The following IFRD1 variants were observed in gnomAD, a reference collection of about 807,000 sequenced individuals.
IFRD1 encodes the protein interferon-related developmental regulator 1.
In IFRD1, 35 loss-of-function variants were observed where a neutral mutation model predicts 52.9. The ratio of observed to expected loss-of-function variants is 0.66; its 90% confidence interval spans 0.51 to 0.88. The LOEUF is 0.88. Among genes scored for constraint, IFRD1 ranks in the 40% least tolerant of loss-of-function variants. The pLI is 0.00. For missense variants in IFRD1, 517 were observed against 550.8 expected (o/e 0.94, Z 0.61); for synonymous variants, 184 against 188.4 (o/e 0.98, Z 0.19).
In IFRD1 at chr7:112,443,545, T is replaced by C. The variant is rs567397156; in HGVS notation, c.-181-6963T>C. ...GTGATGGCACCACTGTACTCCAGCC[T>C]GGATGACAGAGGGAGACCCATCTCA... is the stretch of plus-strand genomic sequence containing the variant. On this transcript the variant is annotated intron_variant, in intron 1 of 12. Transcript: ENST00000005558. Among the ~76,000 whole-genome samples the C allele has an allele frequency of 3.1e-3, 476 of 151,780 alleles. 4 individuals are homozygous for C. Among genetic ancestry groups the C allele is most frequent in the Non-Finnish European group, 5.7e-3 (385 of 67,914 alleles).
intron 8 of IFRD1, among the ~76,000 whole-genome samples, chr7:112,466,352 A>C (rs1396153365): frequency 6.6e-6 from 1 of 152,208 alleles, no homozygotes; most frequent in African/African-American, 2.4e-5. Flanking sequence ...GGTGATTCAC[A>C]AACTAAACTT....
At chr7:112,470,812 T>C (rs1795727014) in intron 9 of IFRD1, among the ~76,000 whole-genome samples, 1 of 152,242 alleles carries the variant, frequency 6.6e-6, no homozygotes. Flanking sequence ...AAATAGTTGT[T>C]ATACTTTATT....
At chr7:112,443,862 C>A (rs80044453) in intron 1 of IFRD1, among the ~76,000 whole-genome samples, 685 of 102,712 alleles carry the variant, frequency 6.7e-3, no homozygotes, top group South Asian at 8.1e-3. Flanking sequence ...AACTCTGTTT[C>A]AAAAAAAAAA....
intron 9 of IFRD1, among the ~76,000 whole-genome samples, chr7:112,471,647 G>A (rs972005610): frequency 5.3e-5 from 8 of 151,976 alleles, no homozygotes; most frequent in Non-Finnish European, 1.0e-4. Flanking sequence ...TTACACCTTC[G>A]AAATGGTCTT....
upstream of IFRD1, chr7:112,450,457 C>G: frequency 1.7e-6 from 1 of 575,502 alleles, no homozygotes; most frequent in Non-Finnish European, 3.1e-6. Context: ...CCTCCCCTGC[C>G]CCGCCTTAGC....
chr7:112,455,178 G>A (rs1360160379), intron 1 of IFRD1, among the ~76,000 whole-genome samples: 1 of 151,486 alleles, frequency 6.6e-6, no homozygotes, highest in African/African-American at 2.4e-5. Flanking sequence ...ATCAGTTTTT[G>A]TGTCATAAAA....
At chr7:112,459,180 C>G (rs1795370772) in intron 5 of IFRD1, among the ~76,000 whole-genome samples, 162 bp downstream of exon 5, 1 of 152,130 alleles carries the variant, frequency 6.6e-6, no homozygotes, top group African/African-American at 2.4e-5. Flanking sequence ...TGCCACTGAA[C>G]TGTAGCCTGG....
intron 9 of IFRD1, among the ~76,000 whole-genome samples, chr7:112,468,467 G>A (rs1024572): frequency 0.46 from 70,448 of 151,830 alleles, 16,786 homozygotes; most frequent in Non-Finnish European, 0.51. Context: ...ATAAGTTATT[G>A]CCTACCCCTT....
At chr7:112,456,869 A>G (rs947803641) in intron 3 of IFRD1, 45 bp from the exon 4 acceptor site, 3 of 1,596,116 alleles carry the variant, frequency 1.9e-6, no homozygotes, top group African/African-American at 2.7e-5. Context: ...TATTTATTGT[A>G]TACTCCAACT....
chr7:112,448,431 TG>T (rs1795078733), upstream of IFRD1, among the ~76,000 whole-genome samples: 1 of 152,190 alleles, frequency 6.6e-6, no homozygotes, highest in African/African-American at 2.4e-5. Context: ...TGTTGCCTTA[TG>T]TATAGTATAA....
chr7:112,452,394 G>A, intron 1 of IFRD1: 1 of 850,518 alleles, frequency 1.2e-6, no homozygotes. Context: ...TCGTCCCCAG[G>A]GATCTTCCTG....
chr7:112,468,739 C>G (rs190786144), intron 9 of IFRD1, among the ~76,000 whole-genome samples: 1 of 152,128 alleles, frequency 6.6e-6, no homozygotes, highest in Non-Finnish European at 1.5e-5. Flanking sequence ...ACCTTGTGAT[C>G]CACCCGCATC....
chr7:112,439,345 T>G (rs1251014365), intron 1 of IFRD1, among the ~76,000 whole-genome samples: 1 of 152,232 alleles, frequency 6.6e-6, no homozygotes, highest in Non-Finnish European at 1.5e-5. Flanking sequence ...TTTTACTTAT[T>G]TCTGAATGCA....
At chr7:112,463,753 A>G (rs868654304) in intron 8 of IFRD1, among the ~76,000 whole-genome samples, 1 of 151,854 alleles carries the variant, frequency 6.6e-6, no homozygotes, top group Non-Finnish European at 1.5e-5. Context: ...GTCATAATGC[A>G]GTTTAAATTA....
At chr7:112,430,839 C>T (rs1374221869) in intron 1 of IFRD1, among the ~76,000 whole-genome samples, 1 of 152,180 alleles carries the variant, frequency 6.6e-6, no homozygotes. Flanking sequence ...GGTACTCATA[C>T]AGCCTGGGGC....
intron 8 of IFRD1, among the ~76,000 whole-genome samples, chr7:112,465,428 A>C (rs1795583837): frequency 6.6e-6 from 1 of 152,198 alleles, no homozygotes; most frequent in Non-Finnish European, 1.5e-5. Flanking sequence ...TCAACTTTTG[A>C]AACCATTTAA....
At chr7:112,470,372 G>A (rs2117331385) in intron 9 of IFRD1, among the ~76,000 whole-genome samples, 1 of 152,262 alleles carries the variant, frequency 6.6e-6, no homozygotes, top group South Asian at 2.1e-4. Flanking sequence ...GGTCCTTGGT[G>A]ACCTTTATAA....
rs1484684233 is a variant in IFRD1 at position 112,450,697 on chromosome 7, G to A, written c.9G>A (p.Lys3=). 1 of 1,612,878 alleles carries A rather than the reference G, an allele frequency of 6.2e-7. No homozygotes were observed. Among genetic ancestry groups the A allele is most frequent in the Admixed American group, 1.7e-5 (1 of 60,014 alleles). Reference sequence around the variant, plus strand: ...GCACCGGGCGTCCCACGATGCCGAAGAACAAGAAGCGGAACACTCCCCACC... The same window carrying A: ...GCACCGGGCGTCCCACGATGCCGAAAAACAAGAAGCGGAACACTCCCCACC... The part of the protein sequence containing the change: MP[K]NKKRNTPHRG... The change falls in exon 1 of 12, where the codon AAG becomes AAA. Residue 3 remains lysine (K), a synonymous_variant. Coordinates refer to ENST00000403825, the MANE Select transcript of IFRD1 (RefSeq NM_001550.4).
intron 1 of IFRD1, among the ~76,000 whole-genome samples, chr7:112,429,933 C>T (rs1460626176): frequency 6.6e-6 from 1 of 152,162 alleles, no homozygotes; most frequent in African/African-American, 2.4e-5. Context: ...CACTTCTGAG[C>T]CATAGAGCAT....
Sources: gnomAD v4.1 joint callset for allele counts (sites outside exome capture counted in the v4.1 genomes callset) on GRCh38, gnomAD v4.1.1 for gene constraint, MANE v1.5 for transcripts, NCBI Gene and HGNC (gene_info 2026-07-23, HGNC 2026-07-21) for gene names.